Variants in ARHGAP8 observed in about 807,000 individuals in gnomAD.
The protein encoded by ARHGAP8 is rho GTPase-activating protein 8.
In ARHGAP8, 62 loss-of-function variants were observed where a neutral mutation model predicts 46.1. The ratio of observed to expected loss-of-function variants is 1.34; its 90% CI spans 1.10 to 1.66. The LOEUF (loss-of-function observed/expected upper bound fraction) is 1.66. Among genes scored for constraint, ARHGAP8 ranks in the 40% most tolerant of loss-of-function variants. The pLI is 0.00. For synonymous variants in ARHGAP8, 375 were observed against 243.1 expected, an observed-to-expected ratio of 1.54 and a Z score of -5.05; for missense variants, 923 against 568.4, an observed-to-expected ratio of 1.62 and a Z score of -6.34.
chr22:44,852,018 C>G (rs1229730378), intron 10 of ARHGAP8, among the ~76,000 whole-genome samples: 7 of 151,684 alleles, frequency 4.6e-5, no homozygotes. Flanking sequence ...TGGTGAAACC[C>G]CGTCTCCACT....
At chr22:44,823,446 A>C (rs558697667) in intron 6 of ARHGAP8, among the ~76,000 whole-genome samples, 1 of 152,116 alleles carries the variant, frequency 6.6e-6, no homozygotes, top group Non-Finnish European at 1.5e-5. Context: ...AAATATTGGG[A>C]GATCTGGAGG....
intron 1 of ARHGAP8, among the ~76,000 whole-genome samples, chr22:44,785,663 G>C (rs1927164959): frequency 6.6e-6 from 1 of 152,100 alleles, no homozygotes; most frequent in Admixed American, 6.6e-5. Flanking sequence ...CCTACACCTG[G>C]GATCCTACAT....
At chr22:44,827,261 G>A (rs1467376547) in intron 7 of ARHGAP8, among the ~76,000 whole-genome samples, 1 of 150,586 alleles carries the variant, frequency 6.6e-6, no homozygotes, top group Non-Finnish European at 1.5e-5. Context: ...GCCTCCAGGT[G>A]GAACACAGTC....
intron 7 of ARHGAP8, among the ~76,000 whole-genome samples, chr22:44,830,026 T>C (rs202211523): frequency 6.8e-6 from 1 of 147,668 alleles, no homozygotes; most frequent in Non-Finnish European, 1.5e-5. Flanking sequence ...CTCTCTCTCT[T>C]TTTTTTTTTT....
chr22:44,808,996 T>G (rs1488926590), intron 4 of ARHGAP8: 1 of 422,258 alleles, frequency 2.4e-6, no homozygotes, highest in South Asian at 1.7e-5. Context: ...TTTTGTATTT[T>G]TTTTTGTAGA....
chr22:44,855,439 A>C (rs561129946), intron 10 of ARHGAP8, among the ~76,000 whole-genome samples: 2 of 152,310 alleles, frequency 1.3e-5, no homozygotes, highest in South Asian at 4.1e-4. Context: ...TGCTGGGATG[A>C]CAGGCATGAG....
chr22:44,821,750 C>G (rs890055328), intron 5 of ARHGAP8, among the ~76,000 whole-genome samples: 1 of 152,220 alleles, frequency 6.6e-6, no homozygotes, highest in Non-Finnish European at 1.5e-5. Context: ...ACTTTCAGAC[C>G]CAGGCCCTGA....
chr22:44,755,736 C>T (rs1398981663), intron 1 of ARHGAP8, among the ~76,000 whole-genome samples: 1 of 152,170 alleles, frequency 6.6e-6, no homozygotes, highest in African/African-American at 2.4e-5. Context: ...TCTCACCTCT[C>T]AGATGGGTGT....
At chr22:44,805,177 C>A (rs1928842786) in intron 3 of ARHGAP8, among the ~76,000 whole-genome samples, 1 of 152,212 alleles carries the variant, frequency 6.6e-6, no homozygotes, top group African/African-American at 2.4e-5. Flanking sequence ...GACCTGTGAC[C>A]TGTGGGTCAG....
chr22:44,782,579 A>G (rs901390838), intron 1 of ARHGAP8, among the ~76,000 whole-genome samples: 2 of 151,986 alleles, frequency 1.3e-5, no homozygotes, highest in African/African-American at 4.8e-5. Flanking sequence ...CTTCATGTAA[A>G]TGGGATCATA....
At chr22:44,860,306 CTAGCAGTCCAAAAGCAAGGTG>C (rs2070409390) in intron 11 of ARHGAP8, among the ~76,000 whole-genome samples, 1 of 152,148 alleles carries the variant, frequency 6.6e-6, no homozygotes, top group South Asian at 2.1e-4. Context: ...CTTCTAGAGG[CTAGCAGTCCAAAAGCAAGGTG>C]TGGCGGGCTG....
chr22:44,812,698 A>G (rs185264883), intron 4 of ARHGAP8, among the ~76,000 whole-genome samples: 1 of 152,094 alleles, frequency 6.6e-6, no homozygotes, highest in East Asian at 1.9e-4. Flanking sequence ...TCTTGGAGAG[A>G]TGCTTTGAGA....
chr22:44,859,347 G>A lies in ARHGAP8; in HGVS notation c.878-384G>A, dbSNP rs181089761. 3.5e-3 allele frequency among the ~76,000 whole-genome samples: 519 copies of A among 149,114 alleles called. 3 individuals carry two copies. Among genetic ancestry groups the A allele is most frequent in the Non-Finnish European group, 4.9e-3 (329 of 66,946 alleles). ...ACCAGATCTGGTTTAAAAGCATGTGGCACCTCTGTCCCACTCTCTCTTGCT... is the reference window on the plus strand; with the variant it reads ...ACCAGATCTGGTTTAAAAGCATGTGACACCTCTGTCCCACTCTCTCTTGCT... On this transcript the variant is annotated intron_variant, in intron 10 of 11. Coordinates refer to ENST00000356099, the MANE Select transcript of ARHGAP8 (RefSeq NM_181335.3).
chr22:44,814,616 G>A (rs558304237), intron 4 of ARHGAP8, 56 bp from the exon 5 acceptor site: 29 of 1,508,982 alleles, frequency 1.9e-5, no homozygotes, highest in South Asian at 1.0e-4. Flanking sequence ...GTTATTGGGC[G>A]TGGGGTGTTT....
chr22:44,776,770 C>T (rs1278323687), intron 1 of ARHGAP8, among the ~76,000 whole-genome samples: 4 of 152,046 alleles, frequency 2.6e-5, no homozygotes, highest in African/African-American at 4.8e-5. Flanking sequence ...GAATTAATGG[C>T]GCTGCGCACT....
chr22:44,848,891 G>T (rs1296913819), intron 9 of ARHGAP8, 41 bp from the exon 10 acceptor site: 1 of 1,610,798 alleles, frequency 6.2e-7, no homozygotes. Flanking sequence ...CAGTGCCCAG[G>T]CCGGGGTGCA....
intron 3 of ARHGAP8, among the ~76,000 whole-genome samples, chr22:44,804,769 G>T (rs1928817643): frequency 6.6e-6 from 1 of 152,168 alleles, no homozygotes; most frequent in Non-Finnish European, 1.5e-5. Context: ...AAGACTTTGG[G>T]CTGGTTGCTT....
chr22:44,790,983 T>C (rs539949040), intron 2 of ARHGAP8, among the ~76,000 whole-genome samples: 167 of 152,098 alleles, frequency 1.1e-3, no homozygotes, highest in African/African-American at 2.9e-3. Flanking sequence ...TCCACCCTCA[T>C]TGGCCTCCCA....
chr22:44,799,346 A>G (rs1928319617), intron 2 of ARHGAP8, among the ~76,000 whole-genome samples: 1 of 152,358 alleles, frequency 6.6e-6, no homozygotes, highest in African/African-American at 2.4e-5. Flanking sequence ...AGCTGCTCCC[A>G]TATGCAACGG....
Sources: gnomAD v4.1 joint callset for allele counts (sites outside exome capture counted in the v4.1 genomes callset) on GRCh38, gnomAD v4.1.1 for gene constraint, MANE v1.5 for transcripts, NCBI Gene and HGNC (gene_info 2026-07-23, HGNC 2026-07-21) for gene names.